The following ATXN7L1 variants were observed in gnomAD, a reference collection of about 807,000 sequenced individuals.
ATXN7L1 encodes ataxin 7 like 1.
Under a neutral mutation model 70.8 loss-of-function variants are expected in ATXN7L1, and 15 were observed. The observed-to-expected ratio is 0.21, with a 90% CI of 0.14 to 0.33. The LOEUF is 0.33. Among genes scored for constraint, ATXN7L1 ranks in the 10% least tolerant of loss-of-function variants. The pLI is 1.00. For synonymous variants in ATXN7L1, 440 were observed against 445.1 expected, an observed-to-expected ratio of 0.99 and a Z score of 0.14; for missense variants, 975 against 1,097.1, an observed-to-expected ratio of 0.89 and a Z score of 1.57.
chr7:105,697,350 C>T (rs868532647), intron 3 of ATXN7L1, among the ~76,000 whole-genome samples: 7 of 152,316 alleles, frequency 4.6e-5, no homozygotes, highest in Admixed American at 3.3e-4. Context: ...CCTAGGTGCA[C>T]GTTCTCTTTC....
intron 4 of ATXN7L1, among the ~76,000 whole-genome samples, chr7:105,648,437 C>A (rs905200777): frequency 4.6e-5 from 7 of 152,194 alleles, no homozygotes; most frequent in African/African-American, 1.4e-4. Flanking sequence ...ATCGGGCCAG[C>A]CTTTCTTTAC....
At chr7:105,722,514 T>TTG (rs1253885305) in intron 3 of ATXN7L1, among the ~76,000 whole-genome samples, 1 of 129,860 alleles carries the variant, frequency 7.7e-6, no homozygotes, top group Non-Finnish European at 1.5e-5. Context: ...TGAGCCAAGA[T>TTG]TGTGCCACTG....
At chr7:105,667,863 G>C (rs904659796) in intron 3 of ATXN7L1, among the ~76,000 whole-genome samples, 2 of 152,264 alleles carry the variant, frequency 1.3e-5, no homozygotes, top group South Asian at 4.1e-4. Context: ...GAAATGTCTT[G>C]TTTAGCAATT....
chr7:105,853,325 GA>G (rs1288457263), intron 2 of ATXN7L1, among the ~76,000 whole-genome samples: 1 of 152,228 alleles, frequency 6.6e-6, no homozygotes, highest in Non-Finnish European at 1.5e-5. Flanking sequence ...GAGGCGTGTA[GA>G]TCACCTGACT....
chr7:105,749,466 G>A (rs979338375), intron 3 of ATXN7L1, among the ~76,000 whole-genome samples: 1 of 151,722 alleles, frequency 6.6e-6, no homozygotes, highest in African/African-American at 2.4e-5. Flanking sequence ...GGAGATAGGG[G>A]CAGGATGTAC....
At position 105,855,645 on chromosome 7, in the gene ATXN7L1, T is replaced by C. The variant is rs556283613; in HGVS notation, c.250+20167A>G. Among the ~76,000 whole-genome samples, 3 of 152,338 alleles carry C rather than the reference T, an allele frequency of 2.0e-5. No homozygotes were observed. The East Asian group carries it at 5.8e-4, about 29-fold the overall frequency. Reference sequence around the variant, plus strand: ...GAAAATTTTAATGATGTAAGTTAAATTAAAAGAATAGTCAACCCTCTGAAT... The same window carrying C: ...GAAAATTTTAATGATGTAAGTTAAACTAAAAGAATAGTCAACCCTCTGAAT... On this transcript the variant is annotated intron_variant, in intron 2 of 11. Transcript: ENST00000419735.
rs1554431696 is a variant in ATXN7L1, at chr7:105,692,424, T to TC, written c.356-27137dup. On this transcript the variant is annotated intron_variant, in intron 3 of 11. Coordinates refer to ENST00000419735, the MANE Select transcript of ATXN7L1 (RefSeq NM_020725.2). ...TTCCTTCCTTCCTTCCTTCCTTCCT[T>TC]CCTCCCTCCCTCCCTCCCTCCCTTC... Among the ~76,000 whole-genome samples, 27 of 88,174 alleles carry TC rather than the reference T, an allele frequency of 3.1e-4. 1 individual carries two copies. Among genetic ancestry groups the TC allele is most frequent in the African/African-American group, 8.4e-4 (19 of 22,634 alleles). 57.8% of individuals were successfully genotyped at this position (88,174 alleles called of 152,430 possible). A position where few individuals can be genotyped will look rare whatever the true frequency, so the allele number is the denominator to read the frequency against.
chr7:105,745,155 A>G (rs976727819), intron 3 of ATXN7L1, among the ~76,000 whole-genome samples: 3 of 152,188 alleles, frequency 2.0e-5, no homozygotes, highest in Admixed American at 6.5e-5. Context: ...TGTTTTTAGA[A>G]AATACATGTT....
chr7:105,860,450 T>C (rs896638554), intron 2 of ATXN7L1, among the ~76,000 whole-genome samples: 7 of 152,168 alleles, frequency 4.6e-5, no homozygotes, highest in Non-Finnish European at 8.8e-5. Flanking sequence ...TTTTGCATTG[T>C]AGCTCCAGCT....
intron 3 of ATXN7L1, among the ~76,000 whole-genome samples, chr7:105,692,424 T>TCCTTCCTTCCTTCCTTCCTTCCTC: frequency 1.1e-5 from 1 of 88,086 alleles, no homozygotes; most frequent in Middle Eastern, 4.5e-3. Flanking sequence ...CTTCCTTCCT[T>TCCTTCCTTCCTTCCTTCCTTCCTC]CCTCCCTCCC....
At chr7:105,642,810 G>A in intron 5 of ATXN7L1, 28 bp downstream of exon 5, 1 of 1,539,680 alleles carries the variant, frequency 6.5e-7, no homozygotes, top group South Asian at 1.2e-5. Flanking sequence ...CTAATCATGA[G>A]TCAGACCCTG....
At chr7:105,848,686 T>TA (rs1814427615) in intron 2 of ATXN7L1, among the ~76,000 whole-genome samples, 1 of 152,200 alleles carries the variant, frequency 6.6e-6, no homozygotes, top group Non-Finnish European at 1.5e-5. Context: ...TTTTTCTTCT[T>TA]TTGTTGATGT....
At chr7:105,679,100 G>T (rs1244380236) in intron 3 of ATXN7L1, 1 of 985,956 alleles carries the variant, frequency 1.0e-6, no homozygotes, top group Non-Finnish European at 1.2e-6. Context: ...GCTGACACAC[G>T]CTGGGCAACG....
At chr7:105,611,007 T>G (rs950037997) in intron 10 of ATXN7L1, among the ~76,000 whole-genome samples, 3 of 152,186 alleles carry the variant, frequency 2.0e-5, no homozygotes, top group Non-Finnish European at 2.9e-5. Context: ...CCCAAACCCA[T>G]CTTGTTTCCA....
At chr7:105,653,236 TCAGGAGTTGGAGAC>T (rs1800127863) in intron 4 of ATXN7L1, among the ~76,000 whole-genome samples, 1 of 152,018 alleles carries the variant, frequency 6.6e-6, no homozygotes, top group Admixed American at 6.6e-5. Context: ...TCACTTGAGG[TCAGGAGTTGGAGAC>T]CAGGCTGTCC....
At position 105,668,920 on chromosome 7, in the gene ATXN7L1, T is replaced by TA. The variant is rs200615121; in HGVS notation, c.356-3633_356-3632insT. On this transcript the variant is annotated intron_variant, in intron 3 of 11. Coordinates refer to ENST00000419735, the MANE Select transcript of ATXN7L1 (RefSeq NM_020725.2). ...CTCTCTCTGAAAACATATATATATA[T>TA]TTTTTTTTTGCAGAGACAAAGTCTC... Among the ~76,000 whole-genome samples the TA allele has an allele frequency of 9.8e-3, 1,460 of 149,276 alleles. 10 individuals carry two copies. Among genetic ancestry groups the TA allele is most frequent in the African/African-American group, 0.014 (588 of 40,946 alleles).
At position 105,812,606 on chromosome 7, in the gene ATXN7L1, T is replaced by C. The variant is rs566298782; in HGVS notation, c.251-23898A>G. The stretch of plus-strand genomic sequence containing the variant: ...AGGAAAGAAGCCTGTAACATTTCCC[T>C]GCAGTTGTCCCTCTGGCTCAGTTAC... On this transcript the variant is annotated intron_variant, in intron 2 of 11. Coordinates refer to ENST00000419735, the MANE Select transcript of ATXN7L1 (RefSeq NM_020725.2). 3.9e-5 allele frequency among the ~76,000 whole-genome samples: 6 copies of C among 152,338 alleles called. No individual in the cohort carries two copies. The East Asian group carries it at 7.7e-4, about 20-fold the overall frequency.
chr7:105,823,165 C>A (rs1329773592), intron 2 of ATXN7L1, among the ~76,000 whole-genome samples: 1 of 151,846 alleles, frequency 6.6e-6, no homozygotes, highest in East Asian at 1.9e-4. Flanking sequence ...TCAGATTAAA[C>A]CACAACCTTG....
At chr7:105,767,975 G>T (rs1008554217) in intron 3 of ATXN7L1, among the ~76,000 whole-genome samples, 1 of 152,192 alleles carries the variant, frequency 6.6e-6, no homozygotes, top group Non-Finnish European at 1.5e-5. Context: ...TCTAAATTCA[G>T]GCCAGACGTC....
Sources: gnomAD v4.1 joint callset for allele counts (sites outside exome capture counted in the v4.1 genomes callset) on GRCh38, gnomAD v4.1.1 for gene constraint, MANE v1.5 for transcripts, NCBI Gene and HGNC (gene_info 2026-07-23, HGNC 2026-07-21) for gene names.